The following ADAM2 variants were observed in gnomAD, a reference collection of about 807,000 sequenced individuals.
ADAM2 encodes disintegrin and metalloproteinase domain-containing protein 2.
Under a neutral mutation model 99.3 loss-of-function variants are expected in ADAM2, and 101 were observed. That is an observed-to-expected ratio of 1.02 (90% CI 0.87 to 1.20). ADAM2 has a LOEUF of 1.20. ADAM2 is among the 50% of genes most tolerant of loss of function. The pLI, the probability that ADAM2 is intolerant of heterozygous loss-of-function variation, is 0.00. For missense variants in ADAM2, 948 were observed against 878.7 expected, an observed-to-expected ratio of 1.08 and a Z score of -1.00; for synonymous variants, 323 against 287.6, an observed-to-expected ratio of 1.12 and a Z score of -1.25.
At chr8:39,787,346 A>G (rs1209477116) in intron 9 of ADAM2, among the ~76,000 whole-genome samples, 1 of 151,578 alleles carries the variant, frequency 6.6e-6, no homozygotes, top group Non-Finnish European at 1.5e-5. Flanking sequence ...ATAAAAATAA[A>G]TAAAATTCCT....
At chr8:39,744,367 T>C (rs1382983313) in intron 20 of ADAM2, among the ~76,000 whole-genome samples, 1 of 152,120 alleles carries the variant, frequency 6.6e-6, no homozygotes, top group Non-Finnish European at 1.5e-5. Flanking sequence ...TTATTATATA[T>C]AGCTATATGA....
intron 6 of ADAM2, among the ~76,000 whole-genome samples, chr8:39,820,557 A>G (rs1805133501): frequency 6.6e-6 from 1 of 152,152 alleles, no homozygotes; most frequent in African/African-American, 2.4e-5. Context: ...TCACTTTCTG[A>G]GGATATTAAA....
rs541414275 is a variant in ADAM2, at chr8:39,811,101, G to A, written c.514-1635C>T. ...AAAGACACAATAAAAAATGATAAAG[G>A]GGATATCACCACCAATCCCACAGAA... On this transcript the variant is annotated intron_variant, in intron 6 of 20. Transcript: ENST00000265708. Among the ~76,000 whole-genome samples the A allele has an allele frequency of 4.5e-3, 682 of 152,120 alleles. 7 individuals carry two copies. The highest frequency in any genetic ancestry group is 0.015 in the African/African-American group (640 of 41,488).
chr8:39,826,421 C>A (rs962164763), intron 3 of ADAM2, among the ~76,000 whole-genome samples: 2 of 152,022 alleles, frequency 1.3e-5, no homozygotes, highest in Non-Finnish European at 2.9e-5. Context: ...GTTTCACACA[C>A]CATATTAAAA....
intron 6 of ADAM2, 29 bp downstream of exon 6, chr8:39,820,972 AC>A: frequency 6.9e-7 from 1 of 1,444,158 alleles, no homozygotes; most frequent in Non-Finnish European, 9.5e-7. Context: ...TATAGTAATA[AC>A]CATAGAGTTT....
chr8:39,797,168 G>A (rs1240138989), intron 7 of ADAM2, among the ~76,000 whole-genome samples: 1 of 152,070 alleles, frequency 6.6e-6, no homozygotes, highest in East Asian at 1.9e-4. Context: ...CTTCTAGGGT[G>A]TTTATGGATT....
intron 16 of ADAM2, among the ~76,000 whole-genome samples, chr8:39,753,541 A>G (rs771663020): frequency 3.9e-5 from 6 of 152,210 alleles, no homozygotes; most frequent in Non-Finnish European, 8.8e-5. Flanking sequence ...TCTCCAAGGC[A>G]TATCAGAGAC....
chr8:39,754,490 G>A (rs533075216), intron 16 of ADAM2, among the ~76,000 whole-genome samples: 283 of 152,212 alleles, frequency 1.9e-3, no homozygotes, highest in Non-Finnish European at 3.1e-3. Flanking sequence ...AGAAACAATG[G>A]AGAATTTAAA....
chr8:39,750,797 T>C (rs1320679254), intron 16 of ADAM2, among the ~76,000 whole-genome samples: 1 of 152,160 alleles, frequency 6.6e-6, no homozygotes, highest in Non-Finnish European at 1.5e-5. Context: ...AAGACAAAGG[T>C]TTAGTAATTG....
intron 7 of ADAM2, among the ~76,000 whole-genome samples, chr8:39,796,088 A>T (rs1009147515): frequency 1.3e-5 from 2 of 152,010 alleles, no homozygotes; most frequent in African/African-American, 4.8e-5. Flanking sequence ...TTCTAAAAAA[A>T]AAACAGGATA....
chr8:39,821,133 C>G lies in ADAM2; in HGVS notation c.382G>C (p.Glu128Gln), dbSNP rs140326284. The G allele has an allele frequency of 1.2e-4, 189 of 1,604,308 alleles. No individual in the cohort carries two copies. In the African/African-American group the frequency reaches 2.3e-3, roughly 19 times the overall value. ...AAGCCAACTGAAGACTCCAGGGGTT[C>G]TATTCCATAACTAACATTTTCAAAC... is the stretch of plus-strand genomic sequence containing the variant. ...LQFENVSYGI[E>Q]PLESSVGFEH... Residue 128 changes from glutamate (E) to glutamine (Q), a missense_variant, in exon 6 of 21, where the codon GAA becomes CAA. Physicochemically the swap from Glu to Gln is conservative, Grantham distance 29 (BLOSUM62 2). Transcript: ENST00000265708.
At chr8:39,801,684 C>T (rs916184235) in intron 7 of ADAM2, among the ~76,000 whole-genome samples, 1 of 151,436 alleles carries the variant, frequency 6.6e-6, no homozygotes, top group Non-Finnish European at 1.5e-5. Context: ...GGCTCAGGGA[C>T]ATCCGGGTTC....
At chr8:39,794,188 G>GT (rs1803840666) in intron 7 of ADAM2, among the ~76,000 whole-genome samples, 1 of 152,048 alleles carries the variant, frequency 6.6e-6, no homozygotes, top group South Asian at 2.1e-4. Context: ...ATGCCTTGTA[G>GT]TATTTATGTA....
At chr8:39,824,334 C>G (rs1316584369) in intron 4 of ADAM2, among the ~76,000 whole-genome samples, 1 of 149,070 alleles carries the variant, frequency 6.7e-6, no homozygotes, top group East Asian at 2.0e-4. Flanking sequence ...ATTTTATTCA[C>G]TCTTCTTTAT....
intron 3 of ADAM2, among the ~76,000 whole-genome samples, chr8:39,825,335 C>T (rs915531728): frequency 6.6e-6 from 1 of 152,068 alleles, no homozygotes; most frequent in Non-Finnish European, 1.5e-5. Flanking sequence ...ATAGTTTTTG[C>T]CCAAGCATAT....
chr8:39,766,852 G>T lies in ADAM2; in HGVS notation c.1503C>A (p.Gly501=). The part of the protein sequence containing the change: ...SGDKQCTDTF[G]KEVEFGPSEC... ...AAATCAAATGATAATAAATACCTTT[G>T]CCAAATGTGTCTGTACATTGTTTAT... Residue 501 remains glycine (G), a synonymous_variant, in exon 14 of 21, where the codon GGC becomes GGA. Coordinates refer to ENST00000265708, the MANE Select transcript of ADAM2 (RefSeq NM_001464.5). 1.3e-6 allele frequency: 2 copies of T among 1,576,952 alleles called. No individual in the cohort carries two copies. Among genetic ancestry groups the T allele is most frequent in the Non-Finnish European group, 1.7e-6 (2 of 1,156,836 alleles).
At chr8:39,786,928 T>C (rs1803487721) in intron 10 of ADAM2, 46 bp downstream of exon 10, 3 of 1,339,084 alleles carry the variant, frequency 2.2e-6, no homozygotes, top group Admixed American at 4.5e-5. Flanking sequence ...TGTGTAACTG[T>C]ATACTAATTT....
chr8:39,813,924 T>A (rs138254094), intron 6 of ADAM2, among the ~76,000 whole-genome samples: 2 of 148,624 alleles, frequency 1.3e-5, no homozygotes, highest in African/African-American at 5.0e-5. Flanking sequence ...TAATAAAAAA[T>A]AAATAAATAA....
At chr8:39,755,384 C>T (rs989708425) in intron 16 of ADAM2, among the ~76,000 whole-genome samples, 8 of 152,140 alleles carry the variant, frequency 5.3e-5, no homozygotes, top group African/African-American at 1.4e-4. Flanking sequence ...CATTTAAGAA[C>T]AGAGTCTAGG....
Sources: gnomAD v4.1 joint callset for allele counts (sites outside exome capture counted in the v4.1 genomes callset) on GRCh38, gnomAD v4.1.1 for gene constraint, MANE v1.5 for transcripts, NCBI Gene and HGNC (gene_info 2026-07-23, HGNC 2026-07-21) for gene names.